GALNT9: variants seen among roughly 807,000 people sequenced by gnomAD.
The protein encoded by GALNT9 is GalNAc transferase 9.
GALNT9 carries 47 observed loss-of-function variants against 63.1 expected under a neutral mutation model. The observed-to-expected ratio is 0.75, with a 90% confidence interval of 0.59 to 0.95. GALNT9 has a LOEUF of 0.95. GALNT9 is among the 40% of genes least tolerant of loss of function. The probability of loss-of-function intolerance (pLI) is 0.00; values close to 1 mark genes in which losing one functional copy is unlikely to be tolerated. For missense variants in GALNT9, 829 were observed against 874.8 expected, an observed-to-expected ratio of 0.95 and a Z score of 0.66; for synonymous variants, 396 against 365.7, an observed-to-expected ratio of 1.08 and a Z score of -0.94.
chr12:132,305,989 G>A lies in GALNT9; in HGVS notation c.239-19559C>T, dbSNP rs1042994304. Among the ~76,000 whole-genome samples, 3 of 152,124 alleles carry A rather than the reference G, an allele frequency of 2.0e-5. 1 individual carries two copies. The highest frequency in any genetic ancestry group is 4.1e-4 in the South Asian group (2 of 4,828). ...GCACCTGGGCCGGGGGGCTCACGGC[G>A]GGGCCCACCCTCAGGACAGGGGGGC... On this transcript the variant is annotated intron_variant, in intron 1 of 10. Transcript: ENST00000328957.
At chr12:132,206,701 C>T (rs942845533) in intron 6 of GALNT9, among the ~76,000 whole-genome samples, 8 of 151,616 alleles carry the variant, frequency 5.3e-5, no homozygotes, top group African/African-American at 1.2e-4. Flanking sequence ...GTGCTGGTGC[C>T]GCTGAGGGAG....
At chr12:132,284,118 C>G (rs1880482661) in intron 2 of GALNT9, 1 of 151,714 alleles carries the variant, frequency 6.6e-6, no homozygotes. Flanking sequence ...CACACATATG[C>G]ACACACGCAC....
At chr12:132,274,086 C>G (rs1291034431) in intron 2 of GALNT9, 2 of 152,892 alleles carry the variant, frequency 1.3e-5, no homozygotes, top group African/African-American at 4.8e-5. Context: ...GCCTGGCCAG[C>G]CCCTTCTCAC....
chr12:132,215,895 G>T (rs1453854496), intron 6 of GALNT9, among the ~76,000 whole-genome samples: 1 of 152,088 alleles, frequency 6.6e-6, no homozygotes, highest in Non-Finnish European at 1.5e-5. Context: ...TAGGGTTGGG[G>T]GGTGCTTCTG....
chr12:132,306,491 G>A (rs926830340), intron 1 of GALNT9, among the ~76,000 whole-genome samples: 3 of 152,190 alleles, frequency 2.0e-5, no homozygotes, highest in East Asian at 1.9e-4. Flanking sequence ...GCAGAGCGGG[G>A]GTCTAGACTG....
chr12:132,197,390 G>T, intron 10 of GALNT9, 137 bp from the exon 11 acceptor site: 1 of 1,297,554 alleles, frequency 7.7e-7, no homozygotes. Flanking sequence ...CAGCATCACA[G>T]CAGCACCCAG....
At chr12:132,257,352 G>A (rs546755549) in intron 5 of GALNT9, among the ~76,000 whole-genome samples, 62 of 152,166 alleles carry the variant, frequency 4.1e-4, no homozygotes, top group African/African-American at 1.4e-3. Flanking sequence ...AAGCCCAGGG[G>A]CCCCAGCACC....
At chr12:132,322,905 C>T (rs916592571) in intron 1 of GALNT9, among the ~76,000 whole-genome samples, 1 of 152,196 alleles carries the variant, frequency 6.6e-6, no homozygotes, top group Non-Finnish European at 1.5e-5. Context: ...TGCTGAGTGG[C>T]GGGGCGGCCA....
chr12:132,225,991 T>C (rs1428813151), intron 6 of GALNT9, among the ~76,000 whole-genome samples: 31 of 74,508 alleles, frequency 4.2e-4, no homozygotes, highest in East Asian at 9.6e-4. Context: ...CCCACACACA[T>C]ACACCCCACA....
intron 6 of GALNT9, among the ~76,000 whole-genome samples, chr12:132,225,907 CCACA>C (rs1410624231): frequency 3.4e-5 from 5 of 147,564 alleles, no homozygotes; most frequent in Admixed American, 1.3e-4. Context: ...AACCCACACC[CCACA>C]CACTGTACAT....
chr12:132,213,372 C>T (rs945958997), intron 6 of GALNT9, among the ~76,000 whole-genome samples: 1 of 151,872 alleles, frequency 6.6e-6, no homozygotes, highest in Admixed American at 6.5e-5. Flanking sequence ...CAATCAATTT[C>T]TTCACACACA....
Position 132,304,695 on chromosome 12 carries a change from A to G in GALNT9, c.239-18265T>C, listed in dbSNP as rs188071398. 1.4e-3 allele frequency among the ~76,000 whole-genome samples: 27 copies of G among 18,688 alleles called. 1 individual carries two copies. The highest frequency in any genetic ancestry group is 0.028 in the East Asian group (1 of 36). 12.3% of individuals were successfully genotyped at this position (18,688 alleles called of 152,430 possible). On this transcript the variant is annotated intron_variant, in intron 1 of 10. Coordinates refer to ENST00000328957, the MANE Select transcript of GALNT9 (RefSeq NM_001122636.2). ...GCCTCGCCCGGGCACACCCTCGCCC[A>G]GACACACCCTCACCTGGGCACAGCC...
rs559671831 is a variant in GALNT9 at position 132,310,286 on chromosome 12, C to G, written c.238+18680G>C. 6.6e-6 allele frequency among the ~76,000 whole-genome samples: 1 copy of G among 152,074 alleles called. No homozygotes were observed. The highest frequency in any genetic ancestry group is 2.1e-4 in the South Asian group (1 of 4,826). On this transcript the variant is annotated intron_variant, in intron 1 of 10. Transcript: ENST00000328957. This position sits in a 1 kb window ranked among gnomAD's most constrained non-coding sequence, Gnocchi z 4.8. ...CGCGGTTCGGCATTTCAGTTGGGGTCGGTAACACGCAGAAGTAAAGGAACT... is the reference window on the plus strand; with the variant it reads ...CGCGGTTCGGCATTTCAGTTGGGGTGGGTAACACGCAGAAGTAAAGGAACT...
chr12:132,304,734 CCCTCACCCAGACACAG>C (rs1881501761), intron 1 of GALNT9, among the ~76,000 whole-genome samples: 1 of 56,232 alleles, frequency 1.8e-5, no homozygotes, highest in Non-Finnish European at 3.2e-5. Flanking sequence ...CCGGGGCACA[CCCTCACCCAGACACAG>C]CCTCGCCCGG....
At position 132,272,121 on chromosome 12, in the gene GALNT9, C is replaced by T. The variant is rs573857501; in HGVS notation, c.420-9496G>A. Among the ~76,000 whole-genome samples the T allele has an allele frequency of 4.6e-5, 7 of 152,308 alleles. 2 individuals are homozygous for T. Among genetic ancestry groups the T allele is most frequent in the South Asian group, 4.1e-4 (2 of 4,824 alleles). The stretch of plus-strand genomic sequence containing the variant: ...GAGCAGCCCCAGAGCGGTCGGGGGA[C>T]GCACCGTGGGGACAGATGCACGGCG... On this transcript the variant is annotated intron_variant, in intron 2 of 10. Transcript: ENST00000328957.
chr12:132,253,263 C>A (rs1555238743), intron 5 of GALNT9, among the ~76,000 whole-genome samples: 2 of 151,970 alleles, frequency 1.3e-5, no homozygotes, highest in African/African-American at 4.8e-5. Flanking sequence ...CGGATGACTG[C>A]GGGCAGGCCT....
chr12:132,210,815 T>A lies in GALNT9; in HGVS notation c.1078-7125A>T, dbSNP rs1458053009. The stretch of plus-strand genomic sequence containing the variant: ...CGCCGTCTGGCGGTTGCCATCTGGG[T>A]GGTCGCCGTCTGGAGGTCGCCGTCT... On this transcript the variant is annotated intron_variant, in intron 6 of 10. Coordinates refer to ENST00000328957, the MANE Select transcript of GALNT9 (RefSeq NM_001122636.2). Among the ~76,000 whole-genome samples the A allele has an allele frequency of 3.6e-3, 535 of 149,668 alleles. 2 individuals carry two copies. Among genetic ancestry groups the A allele is most frequent in the Non-Finnish European group, 5.3e-3 (357 of 67,506 alleles).
chr12:132,241,270 G>A (rs1289147647), intron 6 of GALNT9, among the ~76,000 whole-genome samples: 3 of 48,442 alleles, frequency 6.2e-5, no homozygotes, highest in Non-Finnish European at 1.2e-4. Context: ...CCCTTCCCGG[G>A]GCCCTCCCTA....
At chr12:132,228,334 GCGGCCCGT>G (rs1877773536) in intron 6 of GALNT9, among the ~76,000 whole-genome samples, 2 of 148,746 alleles carry the variant, frequency 1.3e-5, no homozygotes, top group Admixed American at 1.3e-4. Flanking sequence ...GGGTGGCGGG[GCGGCCCGT>G]CAGCACCTCC....
Sources: allele counts gnomAD v4.1 joint callset (sites outside exome capture counted in the v4.1 genomes callset), GRCh38; gene constraint gnomAD v4.1.1; non-coding constraint Gnocchi (gnomAD v3.1); transcripts MANE v1.5; gene names NCBI Gene and HGNC (gene_info 2026-07-23, HGNC 2026-07-21).